SLC44A1: variants seen among roughly 807,000 people sequenced by gnomAD.
SLC44A1 encodes solute carrier family 44 member 1, also known as choline transporter-like protein 1.
SLC44A1 carries 26 observed loss-of-function variants against 79.3 expected under a neutral mutation model. That is an observed-to-expected ratio of 0.33 (90% CI 0.24 to 0.46). SLC44A1 has a LOEUF of 0.46. Ranked by LOEUF, SLC44A1 falls within the 20% of genes least tolerant of loss-of-function variation. The pLI, the probability that SLC44A1 is intolerant of heterozygous loss-of-function variation, is 1.00. For missense variants in SLC44A1, 688 were observed against 798.1 expected, an observed-to-expected ratio of 0.86 and a Z score of 1.66; for synonymous variants, 263 against 286.2, an observed-to-expected ratio of 0.92 and a Z score of 0.82.
intron 15 of SLC44A1, among the ~76,000 whole-genome samples, chr9:105,431,715 T>A (rs185371102): frequency 5.8e-4 from 89 of 152,292 alleles, no homozygotes; most frequent in Non-Finnish European, 9.4e-4. Context: ...GCTAAAATAA[T>A]CTGAAGCCTA....
At chr9:105,438,472 G>C in exon 16 of SLC44A1, 1 of 540,198 alleles carries the variant, frequency 1.9e-6, no homozygotes, top group Non-Finnish European at 3.3e-6. Context: ...CAGTGCGGCT[G>C]TCTAATAAAT....
At chr9:105,311,986 G>A (rs1328968104) in intron 3 of SLC44A1, among the ~76,000 whole-genome samples, 1 of 152,004 alleles carries the variant, frequency 6.6e-6, no homozygotes, top group Non-Finnish European at 1.5e-5. Flanking sequence ...GCTTCCTTAT[G>A]AACTGTAGGC....
Position 105,392,702 on chromosome 9 carries a change from A to G in SLC44A1, c.*3646A>G, listed in dbSNP as rs1426830613. On this transcript the variant is annotated 3_prime_UTR_variant, in exon 16 of 16. Coordinates refer to ENST00000374720, the MANE Select transcript of SLC44A1 (RefSeq NM_080546.5). ...GAGGCTTCAACTATTTCCACCATGCACTATTACTAGCTACTAACAGCCATT... is the reference window on the plus strand; with the variant it reads ...GAGGCTTCAACTATTTCCACCATGCGCTATTACTAGCTACTAACAGCCATT... The G allele has an allele frequency of 2.0e-6, 2 of 985,172 alleles. No homozygotes were observed. Among genetic ancestry groups the G allele is most frequent in the African/African-American group, 3.5e-5 (2 of 57,184 alleles). 61.0% of individuals were successfully genotyped at this position (985,172 alleles called of 1,614,324 possible). A position where few individuals can be genotyped will look rare whatever the true frequency, so the allele number is the denominator to read the frequency against.
chr9:105,272,617 TA>T (rs1488353159), intron 1 of SLC44A1, among the ~76,000 whole-genome samples: 1 of 151,982 alleles, frequency 6.6e-6, no homozygotes, highest in East Asian at 1.9e-4. Context: ...AGCTGATTCA[TA>T]AAGGTTAAAG....
chr9:105,365,719 T>C, intron 11 of SLC44A1, 80 bp downstream of exon 11: 3 of 1,321,656 alleles, frequency 2.3e-6, no homozygotes, highest in Non-Finnish European at 3.2e-6. Context: ...CACCCAATAA[T>C]GTTAAATACA....
chr9:105,276,043 T>G (rs915187882), intron 1 of SLC44A1, among the ~76,000 whole-genome samples: 2 of 152,036 alleles, frequency 1.3e-5, no homozygotes, highest in African/African-American at 2.4e-5. Context: ...TGGCCTCAGG[T>G]GATCCGCCCA....
chr9:105,318,992 C>G (rs142380647), intron 3 of SLC44A1, among the ~76,000 whole-genome samples: 1 of 152,026 alleles, frequency 6.6e-6, no homozygotes, highest in African/African-American at 2.4e-5. Context: ...TTTTTACAAG[C>G]TTTAGTCATT....
intron 12 of SLC44A1, among the ~76,000 whole-genome samples, chr9:105,368,932 G>A (rs1323526964): frequency 6.6e-6 from 1 of 152,106 alleles, no homozygotes; most frequent in Non-Finnish European, 1.5e-5. Context: ...CAGCTACTCC[G>A]GAGGCCGAGG....
intron 1 of SLC44A1, among the ~76,000 whole-genome samples, chr9:105,269,215 T>A (rs80131919): frequency 0.07 from 10,625 of 152,294 alleles, 482 homozygotes; most frequent in South Asian, 0.12. Context: ...GTGGCCTGGC[T>A]GGCCTGTTTG....
At chr9:105,369,299 A>G (rs1010542593) in intron 12 of SLC44A1, among the ~76,000 whole-genome samples, 1 of 152,222 alleles carries the variant, frequency 6.6e-6, no homozygotes, top group Admixed American at 6.5e-5. Flanking sequence ...GAAATCCAAG[A>G]ACAAGGCACC....
intron 1 of SLC44A1, among the ~76,000 whole-genome samples, chr9:105,268,705 A>C (rs1040481721): frequency 1.3e-5 from 2 of 152,016 alleles, no homozygotes; most frequent in African/African-American, 4.8e-5. Context: ...TCACCAAGTT[A>C]ATCAGGCTGG....
rs1176136583 is a variant in SLC44A1 at position 105,389,289 on chromosome 9, T to TC, written c.*233_*234insC. 5 of 1,206,764 alleles carry TC rather than the reference T, an allele frequency of 4.1e-6. No homozygotes were observed. In the East Asian group the frequency reaches 1.7e-4, roughly 41 times the overall value. 74.8% of individuals were successfully genotyped at this position (1,206,764 alleles called of 1,614,324 possible). On this transcript the variant is annotated 3_prime_UTR_variant, in exon 16 of 16. Coordinates refer to ENST00000374720, the MANE Select transcript of SLC44A1 (RefSeq NM_080546.5). ...GTACTCCTTTCATACGGGTGGCTTT[T>TC]ACAAGGCAACTTCCGTCATTTAATG...
At chr9:105,321,955 T>C (rs966476947) in intron 3 of SLC44A1, among the ~76,000 whole-genome samples, 3 of 152,192 alleles carry the variant, frequency 2.0e-5, no homozygotes, top group African/African-American at 7.2e-5. Flanking sequence ...TTGAACTTGA[T>C]TGATAGTATA....
rs1564048395 is a variant in SLC44A1, at chr9:105,392,399, C to CTTT, written c.*3344_*3345insTTT. On this transcript the variant is annotated 3_prime_UTR_variant, in exon 16 of 16. Coordinates refer to ENST00000374720, the MANE Select transcript of SLC44A1 (RefSeq NM_080546.5). ...TTTTGTAGAGATGCTCTCTCTCTCT[C>CTTT]TCTCTTTTTTTTTTTTTTTTTTTTT... 2.4e-6 allele frequency: 2 copies of CTTT among 818,434 alleles called. No individual in the cohort carries two copies. The highest frequency in any genetic ancestry group is 2.8e-6 in the Non-Finnish European group (2 of 706,912). 50.7% of individuals were successfully genotyped at this position (818,434 alleles called of 1,614,324 possible).
Position 105,244,752 on chromosome 9 carries a change from G to T in SLC44A1, c.-117G>T, listed in dbSNP as rs1372398075. The T allele has an allele frequency of 4.2e-6, 2 of 477,610 alleles. No individual in the cohort carries two copies. The highest frequency in any genetic ancestry group is 6.1e-6 in the Non-Finnish European group (2 of 327,280). The allele number at this position is 477,610 out of a possible 1,614,324, so 29.6% of individuals were successfully genotyped here. ...AGCCGCCGCTGCAGCCGCCGCCGCC[G>T]CCTAGCCGTGCGGTGCCAGGCCGCG... On this transcript the variant is annotated 5_prime_UTR_variant, in exon 1 of 16. Coordinates refer to ENST00000374720, the MANE Select transcript of SLC44A1 (RefSeq NM_080546.5).
Position 105,362,860 on chromosome 9 carries a change from G to T in SLC44A1, c.940G>T (p.Val314Phe), listed in dbSNP as rs1827822482. 6.2e-7 allele frequency: 1 copy of T among 1,612,560 alleles called. No homozygotes were observed. The highest frequency in any genetic ancestry group is 1.7e-5 in the Admixed American group (1 of 59,686). Residue 314 changes from valine to phenylalanine, a missense_variant, in exon 9 of 16, where the codon GTT becomes TTT. By Grantham distance (50) the Val-to-Phe change is conservative (BLOSUM62 -1). Transcript: ENST00000374720. ...GATAATGTTGGTTATGCGCAAACGTGTTGCTCTTACCATCGCCTTGTTCCA... is the reference window on the plus strand; with the variant it reads ...GATAATGTTGGTTATGCGCAAACGTTTTGCTCTTACCATCGCCTTGTTCCA... ...FLIMLVMRKR[V>F]ALTIALFHVA... is the part of the protein sequence containing the mutation.
chr9:105,355,461 T>C (rs1827592710), intron 5 of SLC44A1, among the ~76,000 whole-genome samples: 1 of 152,252 alleles, frequency 6.6e-6, no homozygotes, highest in East Asian at 1.9e-4. Flanking sequence ...TATGTGATCC[T>C]AACAAGTCCA....
intron 5 of SLC44A1, among the ~76,000 whole-genome samples, chr9:105,351,632 G>GAGAAAGAGAGAAAGAA (rs1554797209): frequency 9.9e-6 from 1 of 101,358 alleles, no homozygotes; most frequent in Non-Finnish European, 2.0e-5. Context: ...GAGAGAGAAA[G>GAGAAAGAGAGAAAGAA]AGAAAGAAAG....
chr9:105,332,657 G>A (rs1435527700), intron 3 of SLC44A1, among the ~76,000 whole-genome samples: 1 of 151,970 alleles, frequency 6.6e-6, no homozygotes, highest in Non-Finnish European at 1.5e-5. Context: ...CTGTTTTGGG[G>A]GCCTACTTGG....
Sources: allele counts gnomAD v4.1 joint callset (sites outside exome capture counted in the v4.1 genomes callset), GRCh38; gene constraint gnomAD v4.1.1; transcripts MANE v1.5; gene names NCBI Gene and HGNC (gene_info 2026-07-23, HGNC 2026-07-21).